PYROXD1: variants seen among roughly 807,000 people sequenced by gnomAD.
PYROXD1 encodes pyridine nucleotide-disulphide oxidoreductase domain 1, also known as tRNA ligase complex-associated NAD(P)H dehydrogenase PYROXD1.
Under a neutral mutation model 62.0 loss-of-function variants are expected in PYROXD1, and 42 were observed. The observed-to-expected ratio is 0.68, with a 90% CI of 0.53 to 0.88. PYROXD1 has a LOEUF of 0.88. PYROXD1 is among the 40% of genes least tolerant of loss of function. PYROXD1 has a pLI of 0.00. For missense variants in PYROXD1, 493 were observed against 604.8 expected, an observed-to-expected ratio of 0.82 and a Z score of 1.94; for synonymous variants, 170 against 206.4, an observed-to-expected ratio of 0.82 and a Z score of 1.51.
At chr12:21,455,069 A>T in intron 5 of PYROXD1, 63 bp from the exon 6 acceptor site, 2 of 1,008,894 alleles carry the variant, frequency 2.0e-6, no homozygotes, top group Non-Finnish European at 2.7e-6. Context: ...ATTATTTGCA[A>T]ATGCAAAGAT....
chr12:21,445,497 C>G, intron 3 of PYROXD1, 31 bp downstream of exon 3: 1 of 1,545,418 alleles, frequency 6.5e-7, no homozygotes, highest in Non-Finnish European at 8.7e-7. Flanking sequence ...ATAACATTTT[C>G]CATTGTTGAA....
At chr12:21,465,819 A>C (rs2137289048) in intron 10 of PYROXD1, among the ~76,000 whole-genome samples, 1 of 152,178 alleles carries the variant, frequency 6.6e-6, no homozygotes, top group South Asian at 2.1e-4. Context: ...GTAAGTCTTT[A>C]ATCCATCTTG....
chr12:21,467,693 G>T (rs561786348), intron 11 of PYROXD1, 75 bp downstream of exon 11: 318 of 1,200,416 alleles, frequency 2.6e-4, no homozygotes, highest in Non-Finnish European at 3.5e-4. Flanking sequence ...TGATTTTCTT[G>T]CTTGAATAAA....
intron 2 of PYROXD1, among the ~76,000 whole-genome samples, chr12:21,442,582 G>T (rs1942316136): frequency 1.3e-5 from 2 of 152,150 alleles, no homozygotes; most frequent in Non-Finnish European, 2.9e-5. Flanking sequence ...TGGGTCTGAG[G>T]TGTAGGCATT....
rs1422306313 is a variant in PYROXD1 at position 21,440,417 on chromosome 12, C to T, written c.134C>T (p.Pro45Leu). 3 of 1,600,130 alleles carry T rather than the reference C, an allele frequency of 1.9e-6. No individual in the cohort carries two copies. The highest frequency in any genetic ancestry group is 1.1e-5 in the South Asian group (1 of 88,242). The change falls in exon 2 of 12, where the codon CCT (proline) becomes CTT (leucine). Residue 45 changes from proline (P) to leucine (L), a missense_variant. Pro to Leu is a moderately conservative substitution (Grantham distance 98). Around this residue, in one of 2 missense-constraint regions of PYROXD1, gnomAD observed 164 missense variants for 158.2 expected, o/e 1.04. Coordinates refer to ENST00000240651, the MANE Select transcript of PYROXD1 (RefSeq NM_024854.5). ...SEDILLVTAS[P>L]VIKAVTNFKQ... ...GATATTCTCTTGGTAACAGCTTCTC[C>T]TGTTATTAAAGCAGTTACAAATTTC...
intron 1 of PYROXD1, chr12:21,438,528 G>T (rs1047499814): frequency 6.6e-6 from 1 of 152,274 alleles, no homozygotes; most frequent in South Asian, 2.1e-4. Context: ...AATTAATAAA[G>T]AATCCCATAT....
At chr12:21,462,986 T>C in intron 10 of PYROXD1, 124 bp downstream of exon 10, 1 of 742,488 alleles carries the variant, frequency 1.3e-6, no homozygotes, top group Non-Finnish European at 2.0e-6. Context: ...GCTAGCACAG[T>C]TGTTATATAT....
chr12:21,442,215 G>T (rs994831374), intron 2 of PYROXD1, among the ~76,000 whole-genome samples: 4 of 152,212 alleles, frequency 2.6e-5, no homozygotes, highest in African/African-American at 7.2e-5. Context: ...GGAGCAGATA[G>T]AGCTGAGGCC....
chr12:21,449,779 G>GT, intron 4 of PYROXD1, 88 bp downstream of exon 4: 1 of 1,189,712 alleles, frequency 8.4e-7, no homozygotes, highest in Middle Eastern at 2.0e-4. Flanking sequence ...TTCCTAAACT[G>GT]TAAGGGCAGA....
intron 3 of PYROXD1, among the ~76,000 whole-genome samples, chr12:21,446,685 A>T (rs1942395667): frequency 6.6e-6 from 1 of 152,098 alleles, no homozygotes; most frequent in Admixed American, 6.5e-5. Context: ...GCCAAGGCAG[A>T]CGGATGGCTT....
intron 2 of PYROXD1, among the ~76,000 whole-genome samples, chr12:21,442,515 T>C (rs141362158): frequency 3.3e-5 from 5 of 152,312 alleles, no homozygotes; most frequent in Non-Finnish European, 5.9e-5. Flanking sequence ...ACTAGCTTAC[T>C]ATGGTGATGG....
intron 5 of PYROXD1, among the ~76,000 whole-genome samples, chr12:21,453,953 T>G (rs73068002): frequency 0.02 from 3,053 of 152,172 alleles, 37 homozygotes; most frequent in Middle Eastern, 0.051. Flanking sequence ...GTATTCCACT[T>G]TCCGCTGGTC....
chr12:21,467,404 G>C (rs964408118), intron 10 of PYROXD1, 77 bp from the exon 11 acceptor site: 1 of 1,385,450 alleles, frequency 7.2e-7, no homozygotes, highest in Non-Finnish European at 9.9e-7. Flanking sequence ...ACTCCTTTAA[G>C]TGAATTTACA....
At chr12:21,464,090 A>C (rs1355257799) in intron 10 of PYROXD1, among the ~76,000 whole-genome samples, 1 of 150,056 alleles carries the variant, frequency 6.7e-6, no homozygotes, top group Non-Finnish European at 1.5e-5. Flanking sequence ...ATTCTATGTC[A>C]TTTCTGTGGC....
chr12:21,471,127 A>G lies in PYROXD1; in HGVS notation c.*2373A>G. ...CAGAAAATAAAGGCCAACAATAAGA[A>G]AGCTTTTGAAGGAATCACGGAAAAC... On this transcript the variant is annotated 3_prime_UTR_variant, in exon 12 of 12. Transcript: ENST00000240651. 6.5e-7 allele frequency: 1 copy of G among 1,540,676 alleles called. No homozygotes were observed. Among genetic ancestry groups the G allele is most frequent in the South Asian group, 1.3e-5 (1 of 79,472 alleles).
At position 21,437,684 on chromosome 12, in the gene PYROXD1, C is replaced by A; in HGVS notation, c.-47C>A. The A allele has an allele frequency of 1.3e-6, 2 of 1,568,446 alleles. No individual in the cohort carries two copies. The highest frequency in any genetic ancestry group is 1.7e-6 in the Non-Finnish European group (2 of 1,153,050). On this transcript the variant is annotated 5_prime_UTR_variant, in exon 1 of 12. Coordinates refer to ENST00000240651, the MANE Select transcript of PYROXD1 (RefSeq NM_024854.5). ...GCTTCCTCTCCTGGAGTCCAGAGTCCCGTTGCTCCGCCGCGATATTCAGTA... is the reference window on the plus strand; with the variant it reads ...GCTTCCTCTCCTGGAGTCCAGAGTCACGTTGCTCCGCCGCGATATTCAGTA...
chr12:21,453,566 C>T (rs1445657388), intron 5 of PYROXD1, among the ~76,000 whole-genome samples: 3 of 152,166 alleles, frequency 2.0e-5, no homozygotes, highest in South Asian at 4.1e-4. Flanking sequence ...TTCATAACTT[C>T]ACAAAACCGT....
chr12:21,461,921 T>C lies in PYROXD1; in HGVS notation c.881-87T>C, dbSNP rs561364436. The C allele has an allele frequency of 6.7e-5, 44 of 658,982 alleles. No homozygotes were observed. The East Asian group carries it at 1.2e-3, about 18-fold the overall frequency. 40.8% of individuals were successfully genotyped at this position (658,982 alleles called of 1,614,324 possible). A position where few individuals can be genotyped will look rare whatever the true frequency, so the allele number is the denominator to read the frequency against. ...TCTTGCCTTTCTTTTTCTTTCTTTGTTTCTAGTCATTGTAGTCACATACAC... is the reference window on the plus strand; with the variant it reads ...TCTTGCCTTTCTTTTTCTTTCTTTGCTTCTAGTCATTGTAGTCACATACAC... On this transcript the variant is annotated intron_variant, in intron 8 of 11. Coordinates refer to ENST00000240651, the MANE Select transcript of PYROXD1 (RefSeq NM_024854.5).
In PYROXD1 at chr12:21,461,044, T is replaced by C; in HGVS notation, c.770T>C (p.Leu257Pro). 1 of 1,548,984 alleles carries C rather than the reference T, an allele frequency of 6.5e-7. No individual in the cohort carries two copies. The change falls in exon 8 of 12, where the codon CTT becomes CCT. Residue 257 changes from leucine (L) to proline (P), a missense_variant. This residue lies in a region of PYROXD1 where 329 missense variants were observed against 446.6 expected (regional missense o/e 0.74). Transcript: ENST00000240651. ...TTTTAGTTTTCTCATAAGATTCACC[T>C]TGAAACTATGTGTGAAGTAAAGAAA... ...GTKEFSHKIH[L>P]ETMCEVKKIY... is the part of the protein sequence containing the mutation.
Sources: gnomAD v4.1 joint callset for allele counts (sites outside exome capture counted in the v4.1 genomes callset) on GRCh38, gnomAD v4.1.1 for gene constraint, gnomAD v4.1.1 regional missense constraint, MANE v1.5 for transcripts, NCBI Gene and HGNC (gene_info 2026-07-23, HGNC 2026-07-21) for gene names.